The following NBAS variants were observed in gnomAD, a reference collection of about 807,000 sequenced individuals.
The protein encoded by NBAS is NAG/BC035112 fusion.
In NBAS, 219 loss-of-function variants were observed where a neutral mutation model predicts 302.5. That is an observed-to-expected ratio of 0.72 (90% CI 0.65 to 0.81). The LOEUF is 0.81. NBAS is among the 30% of genes least tolerant of loss of function. NBAS has a pLI of 0.00. For synonymous variants in NBAS, 1,118 were observed against 1,021.6 expected, an observed-to-expected ratio of 1.09 and a Z score of -1.80; for missense variants, 2,932 against 2,841.6, an observed-to-expected ratio of 1.03 and a Z score of -0.72.
intron 11 of NBAS, 143 bp from the exon 12 acceptor site, chr2:15,489,165 G>C: frequency 1.1e-6 from 1 of 949,114 alleles, no homozygotes; most frequent in Non-Finnish European, 1.6e-6. Context: ...CATTATAAAT[G>C]TACTTCAGCA....
the NBAS span, among the ~76,000 whole-genome samples, chr2:15,153,189 C>CGTAG: frequency 6.6e-6 from 1 of 152,194 alleles, no homozygotes; most frequent in Non-Finnish European, 1.5e-5. Context: ...CAAAAATCTA[C>CGTAG]CCATGATGAT....
the NBAS span, among the ~76,000 whole-genome samples, chr2:15,025,830 A>G: frequency 1.3e-5 from 2 of 152,178 alleles, no homozygotes; most frequent in African/African-American, 4.8e-5. Context: ...TGAAACTTCA[A>G]TAAAGTTGCT....
At position 15,417,588 on chromosome 2, in the gene NBAS, A is replaced by G. The variant is rs1677007358; in HGVS notation, c.2702T>C (p.Leu901Pro). ...LVYEARCDVT[L>P]TLKELQQMKD... ...CATCTGCTGGAGTTCTTTCAGGGTTAGAGTTACATCACACCTGGCTTCATA... is the reference window on the plus strand; with the variant it reads ...CATCTGCTGGAGTTCTTTCAGGGTTGGAGTTACATCACACCTGGCTTCATA... Residue 901 changes from leucine to proline, a missense_variant, in exon 24 of 52, where the codon CTA (leucine) becomes CCA (proline). By Grantham distance (98) the Leu-to-Pro change is moderately conservative. Coordinates refer to ENST00000281513, the MANE Select transcript of NBAS (RefSeq NM_015909.4). The G allele has an allele frequency of 1.9e-6, 3 of 1,613,868 alleles. No individual in the cohort carries two copies. Among genetic ancestry groups the G allele is most frequent in the Admixed American group, 1.7e-5 (1 of 60,000 alleles).
chr2:15,506,050 GA>G (rs1233135457), intron 10 of NBAS, among the ~76,000 whole-genome samples: 4 of 151,692 alleles, frequency 2.6e-5, no homozygotes, highest in African/African-American at 7.3e-5. Flanking sequence ...TGAAAACAAT[GA>G]AAAAATGAAA....
the NBAS span, among the ~76,000 whole-genome samples, chr2:15,111,895 TA>T: frequency 6.8e-6 from 1 of 147,760 alleles, no homozygotes; most frequent in Admixed American, 6.8e-5. Flanking sequence ...ATTAATTAAA[TA>T]TTATATATTA....
the NBAS span, among the ~76,000 whole-genome samples, chr2:15,122,350 G>C: frequency 6.6e-6 from 1 of 152,226 alleles, no homozygotes; most frequent in East Asian, 1.9e-4. Flanking sequence ...ATGGTAGAAG[G>C]GGAAGCCCAT....
the NBAS span, among the ~76,000 whole-genome samples, chr2:14,958,501 C>A: frequency 1.3e-5 from 2 of 152,006 alleles, no homozygotes; most frequent in East Asian, 3.9e-4. Flanking sequence ...CAACTGGCAA[C>A]AATGGAGCAA....
intron 11 of NBAS, among the ~76,000 whole-genome samples, chr2:15,493,045 T>C (rs1680930330): frequency 6.6e-6 from 1 of 152,194 alleles, no homozygotes; most frequent in Non-Finnish European, 1.5e-5. Context: ...GGGACAGATT[T>C]TCCCCATGCT....
the NBAS span, among the ~76,000 whole-genome samples, chr2:15,130,672 T>C: frequency 1.3e-5 from 2 of 152,256 alleles, no homozygotes; most frequent in Non-Finnish European, 2.9e-5. Flanking sequence ...TCTTTCACTA[T>C]GCCATGCTGC....
At chr2:14,998,583 A>T in the NBAS span, among the ~76,000 whole-genome samples, 2 of 152,246 alleles carry the variant, frequency 1.3e-5, no homozygotes, top group African/African-American at 4.8e-5. Flanking sequence ...TGGGGGAAAC[A>T]GTAAATCCAG....
the NBAS span, among the ~76,000 whole-genome samples, chr2:15,060,374 A>G: frequency 6.6e-6 from 1 of 152,144 alleles, no homozygotes; most frequent in African/African-American, 2.4e-5. Context: ...TGACAGCAGC[A>G]TGGAGAGAGC....
chr2:15,353,642 G>T lies in NBAS; in HGVS notation c.4000C>A (p.Arg1334Ser), dbSNP rs142475355. Reference protein sequence around the residue: ...QSEGYQDLATRQELMAFALTH... With the variant: ...QSEGYQDLATSQELMAFALTH... ...AAAGCAAAAGCCATGAGCTCTTGAC[G>T]AGTGGCCAAGTCCTGGTAACCTTCT... Residue 1334 changes from arginine to serine, a missense_variant, in exon 34 of 52, where the codon CGT becomes AGT. Transcript: ENST00000281513. The T allele has an allele frequency of 3.1e-6, 5 of 1,613,950 alleles. No individual in the cohort carries two copies. The African/African-American group carries it at 5.3e-5, about 17-fold the overall frequency.
intron 10 of NBAS, among the ~76,000 whole-genome samples, chr2:15,510,203 T>A (rs1662075604): frequency 1.3e-5 from 2 of 152,226 alleles, no homozygotes; most frequent in African/African-American, 4.8e-5. Flanking sequence ...AAGACTGCAG[T>A]GTGGCCAGGA....
intron 21 of NBAS, among the ~76,000 whole-genome samples, chr2:15,459,503 C>CTTT (rs66914120): frequency 7.1e-6 from 1 of 141,388 alleles, no homozygotes; most frequent in Middle Eastern, 3.5e-3. Flanking sequence ...AGCATTTTTT[C>CTTT]TTTTTTTTTG....
chr2:15,515,813 C>T (rs1300144025), intron 9 of NBAS, among the ~76,000 whole-genome samples: 3 of 152,106 alleles, frequency 2.0e-5, no homozygotes, highest in Non-Finnish European at 4.4e-5. Context: ...AGAGAAGAGT[C>T]TGAAACTCAG....
Position 15,473,338 on chromosome 2 carries a change from C to T in NBAS, c.1609G>A (p.Glu537Lys), listed in dbSNP as rs1201360327. 1 of 1,613,840 alleles carries T rather than the reference C, an allele frequency of 6.2e-7. No individual in the cohort carries two copies. The highest frequency in any genetic ancestry group is 1.1e-5 in the South Asian group (1 of 91,064). ...AAGGACAAGGCTTCCTCATACTCTTCACTTTCAATCTTCAGATAAAAACAC... is the reference window on the plus strand; with the variant it reads ...AAGGACAAGGCTTCCTCATACTCTTTACTTTCAATCTTCAGATAAAAACAC... The part of the protein sequence containing the change: ...EELYQRKIES[E>K]EYEEALSLAH... The change falls in exon 16 of 52, where the codon GAA becomes AAA. Residue 537 changes from glutamate to lysine, a missense_variant. Transcript: ENST00000281513.
At chr2:15,281,255 T>A (rs866060626) in intron 42 of NBAS, among the ~76,000 whole-genome samples, 1 of 152,214 alleles carries the variant, frequency 6.6e-6, no homozygotes, top group Non-Finnish European at 1.5e-5. Flanking sequence ...TCATAGAATG[T>A]CAATTCTGAC....
chr2:14,879,964 T>A, the NBAS span, among the ~76,000 whole-genome samples: 1 of 152,022 alleles, frequency 6.6e-6, no homozygotes, highest in East Asian at 1.9e-4. Flanking sequence ...TAGGAAGCAG[T>A]TTGAAAATAC....
chr2:14,932,109 T>C, the NBAS span, among the ~76,000 whole-genome samples: 1 of 152,194 alleles, frequency 6.6e-6, no homozygotes, highest in Non-Finnish European at 1.5e-5. Flanking sequence ...TTGTGGTCCC[T>C]GACACCACCC....
Sources: allele counts gnomAD v4.1 joint callset (sites outside exome capture counted in the v4.1 genomes callset), GRCh38; gene constraint gnomAD v4.1.1; transcripts MANE v1.5; gene names NCBI Gene and HGNC (gene_info 2026-07-23, HGNC 2026-07-21).